ERP44: variants seen among roughly 807,000 people sequenced by gnomAD.
ERP44 encodes endoplasmic reticulum protein 44.
A neutral mutation model predicts 53.4 loss-of-function variants in ERP44; 25 were observed. The observed-to-expected ratio is 0.47, with a 90% CI of 0.34 to 0.65. ERP44 has a LOEUF of 0.65. Among genes scored for constraint, ERP44 ranks in the 30% least tolerant of loss-of-function variants. The pLI is 0.01. For synonymous variants in ERP44, 145 were observed against 161.2 expected (o/e 0.90, Z 0.76); for missense variants, 338 against 493.2 (o/e 0.69, Z 2.98).
intron 1 of ERP44, among the ~76,000 whole-genome samples, chr9:100,091,745 A>G (rs1201078089): frequency 6.6e-6 from 1 of 152,188 alleles, no homozygotes; most frequent in African/African-American, 2.4e-5. Flanking sequence ...CCAAACATCC[A>G]TGGCAGTATT....
intron 4 of ERP44, among the ~76,000 whole-genome samples, chr9:100,048,521 TA>T (rs987615328): frequency 6.6e-6 from 1 of 151,196 alleles, no homozygotes; most frequent in Non-Finnish European, 1.5e-5. Flanking sequence ...GGATATATAT[TA>T]AAAAAAAACT....
intron 4 of ERP44, among the ~76,000 whole-genome samples, chr9:100,024,611 A>C (rs1289606226): frequency 6.6e-6 from 1 of 151,982 alleles, no homozygotes; most frequent in Non-Finnish European, 1.5e-5. Flanking sequence ...GTTTAACATT[A>C]AAACAAAATG....
At chr9:100,004,133 G>A (rs1226624552) in intron 10 of ERP44, among the ~76,000 whole-genome samples, 1 of 152,174 alleles carries the variant, frequency 6.6e-6, no homozygotes, top group Non-Finnish European at 1.5e-5. Context: ...GTGTTGGCCT[G>A]GAGGCTGAGT....
intron 1 of ERP44, among the ~76,000 whole-genome samples, chr9:100,082,293 T>A (rs1019914219): frequency 6.6e-6 from 1 of 151,650 alleles, no homozygotes; most frequent in Non-Finnish European, 1.5e-5. Flanking sequence ...TTCTAAAATA[T>A]AAGCAGAAAA....
chr9:100,006,710 T>A, intron 9 of ERP44, 63 bp from the exon 10 acceptor site: 1 of 1,209,224 alleles, frequency 8.3e-7, no homozygotes, highest in Non-Finnish European at 1.2e-6. Context: ...TTTGTAAGAT[T>A]GCAAGCTCAC....
At chr9:100,017,263 T>C (rs1478605784) in intron 7 of ERP44, among the ~76,000 whole-genome samples, 1 of 152,220 alleles carries the variant, frequency 6.6e-6, no homozygotes, top group Non-Finnish European at 1.5e-5. Flanking sequence ...AACATCCCAA[T>C]AAAGCAAGTA....
chr9:100,062,692 T>C (rs988347677), intron 1 of ERP44, among the ~76,000 whole-genome samples: 3 of 152,206 alleles, frequency 2.0e-5, no homozygotes, highest in Non-Finnish European at 4.4e-5. Flanking sequence ...AAATCCACTC[T>C]TTTGGTTATT....
chr9:100,035,501 C>T (rs150155332), intron 4 of ERP44, among the ~76,000 whole-genome samples: 7 of 152,120 alleles, frequency 4.6e-5, no homozygotes, highest in East Asian at 1.9e-4. Flanking sequence ...CATGGTGAAA[C>T]GCCATCTCTA....
intron 10 of ERP44, among the ~76,000 whole-genome samples, chr9:99,997,263 A>G (rs1349883076): frequency 2.6e-5 from 4 of 152,194 alleles, no homozygotes; most frequent in African/African-American, 9.7e-5. Flanking sequence ...CATTCCCACC[A>G]GCAGTGTTGC....
intron 11 of ERP44, among the ~76,000 whole-genome samples, 178 bp downstream of exon 11, chr9:99,984,789 T>C (rs567448992): frequency 6.6e-6 from 1 of 152,346 alleles, no homozygotes; most frequent in East Asian, 1.9e-4. Flanking sequence ...TCTTTCAACT[T>C]TTCTGAAGAC....
chr9:100,067,059 C>CCATCTTGGTCATTTGAG (rs1208522332), intron 1 of ERP44, among the ~76,000 whole-genome samples: 1 of 152,160 alleles, frequency 6.6e-6, no homozygotes, highest in African/African-American at 2.4e-5. Flanking sequence ...ATGTGAGAAC[C>CCATCTTGGTCATTTGAG]AACCTGCATT....
At chr9:99,984,635 C>A (rs2118596406) in intron 11 of ERP44, among the ~76,000 whole-genome samples, 1 of 152,210 alleles carries the variant, frequency 6.6e-6, no homozygotes, top group African/African-American at 2.4e-5. Context: ...TATTGGAATC[C>A]ACTGATTTCT....
intron 1 of ERP44, among the ~76,000 whole-genome samples, chr9:100,097,043 TTTTTCAGCC>T (rs1404125069): frequency 6.6e-6 from 1 of 152,202 alleles, no homozygotes; most frequent in African/African-American, 2.4e-5. Flanking sequence ...TTTCTGGGGC[TTTTTCAGCC>T]TTTTCATATC....
intron 4 of ERP44, among the ~76,000 whole-genome samples, chr9:100,046,418 A>G (rs1031023426): frequency 2.0e-5 from 3 of 152,220 alleles, no homozygotes; most frequent in African/African-American, 7.2e-5. Context: ...AGGGCAAAAT[A>G]GGTAAGGAAT....
At chr9:100,042,633 G>C (rs1016166995) in intron 4 of ERP44, among the ~76,000 whole-genome samples, 10 of 152,204 alleles carry the variant, frequency 6.6e-5, no homozygotes, top group Non-Finnish European at 2.9e-5. Flanking sequence ...GCACTATTCA[G>C]AACAGGCTAG....
intron 4 of ERP44, among the ~76,000 whole-genome samples, chr9:100,043,291 A>AAAAAAAAAATAAAAAAAAAAAG (rs1168903331): frequency 1.3e-5 from 1 of 74,878 alleles, no homozygotes; most frequent in Non-Finnish European, 2.3e-5. Context: ...AAAAAAAAAA[A>AAAAAAAAAATAAAAAAAAAAAG]GATAAATAAG....
chr9:100,065,206 T>C (rs1290576765), intron 1 of ERP44, among the ~76,000 whole-genome samples: 3 of 152,184 alleles, frequency 2.0e-5, no homozygotes, highest in Non-Finnish European at 4.4e-5. Context: ...ACTGTGTCTT[T>C]TCTACGTTTA....
At chr9:100,038,790 A>G (rs1352511705) in intron 4 of ERP44, among the ~76,000 whole-genome samples, 2 of 152,176 alleles carry the variant, frequency 1.3e-5, no homozygotes, top group Non-Finnish European at 2.9e-5. Flanking sequence ...ATAGACTGAA[A>G]ATAAAGAAAT....
chr9:100,067,144 G>GCTCTCGCTCTCGCTCTCC (rs1236518261), intron 1 of ERP44, among the ~76,000 whole-genome samples: 11 of 148,928 alleles, frequency 7.4e-5, no homozygotes, highest in African/African-American at 2.7e-4. Context: ...CCAAACAACC[G>GCTCTCGCTCTCGCTCTCC]CTCTCGCTCT....
Sources: allele counts gnomAD v4.1 joint callset (sites outside exome capture counted in the v4.1 genomes callset), GRCh38; gene constraint gnomAD v4.1.1; transcripts MANE v1.5; gene names NCBI Gene and HGNC (gene_info 2026-07-23, HGNC 2026-07-21).